Variants in MYH1 observed in about 807,000 individuals in gnomAD.
The protein encoded by MYH1 is myosin-1.
MYH1 carries 214 observed loss-of-function variants against 225.6 expected under a neutral mutation model. That is an observed-to-expected ratio of 0.95 (90% CI 0.85 to 1.06). MYH1 has a LOEUF of 1.06. Ranked by LOEUF, MYH1 falls within the 50% of genes least tolerant of loss-of-function variation. The probability of loss-of-function intolerance (pLI) is 0.00; values close to 1 mark genes in which losing one functional copy is unlikely to be tolerated. For synonymous variants in MYH1, 774 were observed against 842.3 expected, an observed-to-expected ratio of 0.92 and a Z score of 1.40; for missense variants, 2,098 against 2,344.2, an observed-to-expected ratio of 0.89 and a Z score of 2.17.
rs2073158511 is a variant in MYH1, at chr17:10,510,318, A to G, written c.1417-663T>C. Among the ~76,000 whole-genome samples, 5 of 152,148 alleles carry G rather than the reference A, an allele frequency of 3.3e-5. 1 individual carries two copies. In the South Asian group the frequency reaches 1.0e-3, roughly 32 times the overall value. On this transcript the variant is annotated intron_variant, in intron 14 of 39. Transcript: ENST00000226207. ...ATTCAACAGCTAATATTTGGTGAACATTTACTCTACAGTAGACACTATGCT... is the reference window on the plus strand; with the variant it reads ...ATTCAACAGCTAATATTTGGTGAACGTTTACTCTACAGTAGACACTATGCT...
intron 22 of MYH1, 137 bp from the exon 23 acceptor site, chr17:10,503,385 A>T: frequency 8.0e-7 from 1 of 1,248,492 alleles, no homozygotes; most frequent in Non-Finnish European, 1.1e-6. Flanking sequence ...ACCATTCAGT[A>T]AATATTGGGC....
chr17:10,505,669 G>A, intron 19 of MYH1, 143 bp downstream of exon 19: 1 of 1,368,034 alleles, frequency 7.3e-7, no homozygotes, highest in South Asian at 1.4e-5. Flanking sequence ...GGACTTCAGA[G>A]TTTTCTTATG....
intron 15 of MYH1, 138 bp downstream of exon 15, chr17:10,509,347 A>C (rs2073149016): frequency 7.3e-7 from 1 of 1,367,526 alleles, no homozygotes; most frequent in Non-Finnish European, 1.0e-6. Context: ...TATCTACTTC[A>C]GAGTTGGCAA....
Position 10,505,413 on chromosome 17 carries a change from G to T in MYH1, c.2273C>A (p.Thr758Asn). Reference protein sequence around the residue: ...KLLGSIDIDHTQYKFGHTKVF... With the variant: ...KLLGSIDIDHNQYKFGHTKVF... The stretch of plus-strand genomic sequence containing the variant: ...CTTGGTGTGACCAAATTTATACTGG[G>T]TGTGGTCAATGTCAATGGACCCCAG... Residue 758 changes from threonine (T) to asparagine (N), a missense_variant, in exon 20 of 40, where the codon ACC (threonine) becomes AAC (asparagine). By Grantham distance (65) the Thr-to-Asn change is moderately conservative. Transcript: ENST00000226207. The T allele has an allele frequency of 6.2e-7, 1 of 1,614,226 alleles. No individual in the cohort carries two copies. The highest frequency in any genetic ancestry group is 8.5e-7 in the Non-Finnish European group (1 of 1,180,024).
chr17:10,504,958 T>G lies in MYH1; in HGVS notation c.2543A>C (p.Glu848Ala). 6.2e-7 allele frequency: 1 copy of G among 1,614,184 alleles called. No homozygotes were observed. The highest frequency in any genetic ancestry group is 8.5e-7 in the Non-Finnish European group (1 of 1,180,044). ...CATGTTGGCCATCTCCTTCTCTGTC[T>G]CTGCACTTTTGAGGAGGGGTTTGAT... ...FKIKPLLKSAETEKEMANMKE... is the reference protein window; with the variant it reads ...FKIKPLLKSAATEKEMANMKE... Residue 848 changes from glutamate (E) to alanine (A), a missense_variant, in exon 22 of 40, where the codon GAG becomes GCG. Glu to Ala is a moderately radical substitution (Grantham distance 107, BLOSUM62 -1). Transcript: ENST00000226207.
chr17:10,495,611 A>G (rs983502471), intron 35 of MYH1, among the ~76,000 whole-genome samples: 1 of 151,616 alleles, frequency 6.6e-6, no homozygotes, highest in African/African-American at 2.4e-5. Flanking sequence ...AATACAAAAA[A>G]TTAGCCGGGC....
In MYH1 at chr17:10,497,458, G is replaced by C. The variant is rs1364985971; in HGVS notation, c.4366-6C>G. On this transcript the variant is annotated splice_polypyrimidine_tract_variant and splice_region_variant and intron_variant, in intron 31 of 39. Transcript: ENST00000226207. Reference sequence around the variant, plus strand: ...TGTTTCCATTCTGCCAGGATCTGAAGGTCAAGGAATGGACAAGAAATTTAG... The same window carrying C: ...TGTTTCCATTCTGCCAGGATCTGAACGTCAAGGAATGGACAAGAAATTTAG... 4 of 1,595,980 alleles carry C rather than the reference G, an allele frequency of 2.5e-6. No homozygotes were observed. The highest frequency in any genetic ancestry group is 3.4e-6 in the Non-Finnish European group (4 of 1,176,024).
At chr17:10,506,895 C>T (rs1034468878) in intron 17 of MYH1, among the ~76,000 whole-genome samples, 2 of 152,196 alleles carry the variant, frequency 1.3e-5, no homozygotes, top group Non-Finnish European at 2.9e-5. Context: ...ACTTATTCCA[C>T]AGAAAGTGGC....
At chr17:10,494,843 T>G in intron 37 of MYH1, 88 bp downstream of exon 37, 1 of 1,609,242 alleles carries the variant, frequency 6.2e-7, no homozygotes, top group Non-Finnish European at 8.5e-7. Context: ...CATCTCAGTA[T>G]GCCCCACATC....
At chr17:10,510,982 G>A (rs1274442336) in intron 14 of MYH1, among the ~76,000 whole-genome samples, 1 of 149,894 alleles carries the variant, frequency 6.7e-6, no homozygotes, top group Non-Finnish European at 1.5e-5. Flanking sequence ...CAAAATGATT[G>A]CAAGTACCCT....
At position 10,511,891 on chromosome 17, in the gene MYH1, G is replaced by A. The variant is rs2073172956; in HGVS notation, c.1364C>T (p.Pro455Leu). 2 of 1,614,042 alleles carry A rather than the reference G, an allele frequency of 1.2e-6. No individual in the cohort carries two copies. The highest frequency in any genetic ancestry group is 2.7e-5 in the African/African-American group (2 of 74,902). ...CAAGACCCCAATGAAGTACTGCCTG[G>A]GCTGCTTGGTGTCCAGCTGCTGGTT... ...RINQQLDTKQ[P>L]RQYFIGVLDI... The change falls in exon 14 of 40, where the codon CCC (proline) becomes CTC (leucine). Residue 455 changes from proline (P) to leucine (L), a missense_variant. Transcript: ENST00000226207.
intron 2 of MYH1, among the ~76,000 whole-genome samples, chr17:10,517,172 A>T (rs535557210): frequency 6.6e-6 from 1 of 152,220 alleles, no homozygotes; most frequent in Non-Finnish European, 1.5e-5. Flanking sequence ...TTGGTGAATT[A>T]AAAGAACAAT....
intron 14 of MYH1, among the ~76,000 whole-genome samples, chr17:10,510,004 A>G (rs71360266): frequency 0.058 from 8,777 of 152,242 alleles, 277 homozygotes; most frequent in South Asian, 0.13. Flanking sequence ...ATAGAGGGAA[A>G]CAGCACACAC....
At position 10,494,352 on chromosome 17, in the gene MYH1, A is replaced by C. The variant is rs139769954; in HGVS notation, c.5667+2T>G. ...AATCACCCCAAGGGGTTGTGAACTC[A>C]CCGCTTCTTCAGCTTGTCTCTTGTA... On this transcript the variant is annotated splice_donor_variant, in intron 39 of 39. Coordinates refer to ENST00000226207, the MANE Select transcript of MYH1 (RefSeq NM_005963.4). LOFTEE classifies it high-confidence loss of function. 3.9e-5 allele frequency: 63 copies of C among 1,613,780 alleles called. No individual in the cohort carries two copies. The highest frequency in any genetic ancestry group is 5.0e-5 in the Admixed American group (3 of 59,980).
intron 15 of MYH1, among the ~76,000 whole-genome samples, chr17:10,508,912 C>T (rs925998141): frequency 1.3e-5 from 2 of 152,162 alleles, no homozygotes; most frequent in African/African-American, 4.8e-5. Context: ...AGGCTGTGCT[C>T]CTGTGGAGTT....
rs2073227278 is a variant in MYH1 at position 10,516,235 on chromosome 17, G to GT, written c.311dup (p.Tyr104Ter). ...MTHLHEPAVL[Y>*]NLKERYAAWM... ...AGGCTGCGTAGCGCTCTTTGAGGTT[G>GT]TACAGCACAGCAGGCTCGTGTAGAT... Residue 104 changes from tyrosine (Y) to a stop codon, truncating the protein, a stop_gained and frameshift_variant, in exon 4 of 40, where the codon TAC becomes TAAC. Coordinates refer to ENST00000226207, the MANE Select transcript of MYH1 (RefSeq NM_005963.4). LOFTEE classifies it high-confidence loss of function. 6.2e-7 allele frequency: 1 copy of GT among 1,614,084 alleles called. No individual in the cohort carries two copies. Among genetic ancestry groups the GT allele is most frequent in the Non-Finnish European group, 8.5e-7 (1 of 1,180,042 alleles).
chr17:10,495,931 A>C lies in MYH1; in HGVS notation c.5169+19T>G, dbSNP rs772247106. The C allele has an allele frequency of 4.3e-6, 7 of 1,613,762 alleles. No individual in the cohort carries two copies. The highest frequency in any genetic ancestry group is 1.7e-5 in the Admixed American group (1 of 59,992). ...TTTTCATACCCTTGTATTTGTTGCT[A>C]TTCTATTATTACATGCACCTGGGTG... is the stretch of plus-strand genomic sequence containing the variant. On this transcript the variant is annotated intron_variant, in intron 35 of 39. Transcript: ENST00000226207.
At chr17:10,502,410 T>C (rs2073067883) in intron 24 of MYH1, among the ~76,000 whole-genome samples, 1 of 152,248 alleles carries the variant, frequency 6.6e-6, no homozygotes, top group African/African-American at 2.4e-5. Flanking sequence ...ACCCTCCCTC[T>C]TCTTTCTTTT....
At chr17:10,496,981 T>G in intron 33 of MYH1, 88 bp downstream of exon 33, 2 of 1,525,366 alleles carry the variant, frequency 1.3e-6, no homozygotes, top group Non-Finnish European at 1.8e-6. Flanking sequence ...AAAAATTATT[T>G]TTCGTTTCTC....
Sources: gnomAD v4.1 joint callset for allele counts (sites outside exome capture counted in the v4.1 genomes callset) on GRCh38, gnomAD v4.1.1 for gene constraint, MANE v1.5 for transcripts, NCBI Gene and HGNC (gene_info 2026-07-23, HGNC 2026-07-21) for gene names.